The following RABGAP1L variants were observed in gnomAD, a reference collection of about 807,000 sequenced individuals.
RABGAP1L encodes rab GTPase-activating protein 1-like.
Under a neutral mutation model 137.7 loss-of-function variants are expected in RABGAP1L, and 63 were observed. The ratio of observed to expected loss-of-function variants is 0.46; its 90% CI spans 0.37 to 0.56. The LOEUF is 0.56. RABGAP1L is among the 20% of genes least tolerant of loss of function. The probability of loss-of-function intolerance (pLI) is 0.00; values close to 1 mark genes in which losing one functional copy is unlikely to be tolerated. For missense variants in RABGAP1L, 1,095 were observed against 1,244.0 expected (o/e 0.88, Z 1.80); for synonymous variants, 431 against 433.7 (o/e 0.99, Z 0.08).
chr1:174,621,861 A>G (rs1462621682), intron 13 of RABGAP1L, among the ~76,000 whole-genome samples: 3 of 152,256 alleles, frequency 2.0e-5, no homozygotes, highest in Non-Finnish European at 4.4e-5. Context: ...ATGGGATCTA[A>G]TTAAACTAAA....
intron 11 of RABGAP1L, among the ~76,000 whole-genome samples, chr1:174,356,367 G>A (rs775873136): frequency 2.0e-4 from 31 of 151,704 alleles, no homozygotes; most frequent in Middle Eastern, 3.4e-3. Context: ...GTTCTACTTG[G>A]TAGCTTTTAA....
At chr1:174,457,477 C>CTTTT (rs746968960) in intron 13 of RABGAP1L, among the ~76,000 whole-genome samples, 15 of 107,492 alleles carry the variant, frequency 1.4e-4, no homozygotes, top group Admixed American at 3.2e-4. Flanking sequence ...CAGGCATCAT[C>CTTTT]TTTTTTTTTT....
chr1:174,553,489 T>C (rs1666687074), intron 13 of RABGAP1L, among the ~76,000 whole-genome samples: 1 of 152,240 alleles, frequency 6.6e-6, no homozygotes, highest in South Asian at 2.1e-4. Context: ...TAGTGAATTT[T>C]ACCACACATT....
At chr1:174,708,844 G>A (rs1385815350) in intron 17 of RABGAP1L, among the ~76,000 whole-genome samples, 2 of 152,120 alleles carry the variant, frequency 1.3e-5, no homozygotes, top group Non-Finnish European at 2.9e-5. Context: ...CCCTGGAAAG[G>A]GGGCTGAAGC....
chr1:174,177,005 G>A (rs1207702162), intron 1 of RABGAP1L, among the ~76,000 whole-genome samples: 1 of 152,122 alleles, frequency 6.6e-6, no homozygotes, highest in Non-Finnish European at 1.5e-5. Flanking sequence ...GAACCCAGGA[G>A]GTCAAGGTTG....
At chr1:174,981,834 ATATTT>A (rs1671159311) in intron 23 of RABGAP1L, among the ~76,000 whole-genome samples, 1 of 152,130 alleles carries the variant, frequency 6.6e-6, no homozygotes, top group South Asian at 2.1e-4. Context: ...TAAGAAGAAT[ATATTT>A]TATTTAATGT....
intron 1 of RABGAP1L, among the ~76,000 whole-genome samples, chr1:174,162,753 C>CTTT (rs971302832): frequency 5.4e-5 from 2 of 37,182 alleles, no homozygotes; most frequent in Non-Finnish European, 5.9e-5. Context: ...GCTGGTATTT[C>CTTT]TTTTTTTTTT....
At chr1:174,872,997 G>A (rs889169984) in intron 19 of RABGAP1L, among the ~76,000 whole-genome samples, 1 of 152,214 alleles carries the variant, frequency 6.6e-6, no homozygotes, top group Non-Finnish European at 1.5e-5. Context: ...CATGCAGGAG[G>A]AACAGTTTCT....
chr1:174,182,115 G>A (rs1055296312), intron 1 of RABGAP1L, among the ~76,000 whole-genome samples: 1 of 152,084 alleles, frequency 6.6e-6, no homozygotes, highest in Non-Finnish European at 1.5e-5. Context: ...TAATATAACT[G>A]TGTCCTCCGT....
chr1:174,396,577 C>CTT (rs952363824), intron 13 of RABGAP1L, among the ~76,000 whole-genome samples: 1 of 151,882 alleles, frequency 6.6e-6, no homozygotes, highest in African/African-American at 2.4e-5. Context: ...TATCAAATTA[C>CTT]TTTTTCTTGT....
At chr1:174,629,569 C>G (rs978027486) in intron 13 of RABGAP1L, among the ~76,000 whole-genome samples, 1 of 152,148 alleles carries the variant, frequency 6.6e-6, no homozygotes, top group Admixed American at 6.5e-5. Context: ...GAGTCTCGCT[C>G]TGTCGCCCAG....
intron 13 of RABGAP1L, among the ~76,000 whole-genome samples, chr1:174,542,045 TA>T (rs1665505802): frequency 6.6e-6 from 1 of 152,232 alleles, no homozygotes; most frequent in South Asian, 2.1e-4. Context: ...GATATTGGTC[TA>T]AAATTCTCTT....
chr1:174,359,188 G>A (rs986687420), intron 11 of RABGAP1L, among the ~76,000 whole-genome samples: 1 of 149,900 alleles, frequency 6.7e-6, no homozygotes, highest in Non-Finnish European at 1.5e-5. Context: ...TCTTTGTCAT[G>A]TTCTACTTGC....
intron 13 of RABGAP1L, among the ~76,000 whole-genome samples, chr1:174,461,352 T>C (rs184571714): frequency 1.3e-5 from 2 of 152,276 alleles, no homozygotes; most frequent in Admixed American, 1.3e-4. Flanking sequence ...TGCAGAACCA[T>C]GGGAATAGTA....
chr1:174,883,218 C>T (rs887842984), intron 19 of RABGAP1L, among the ~76,000 whole-genome samples: 12 of 152,310 alleles, frequency 7.9e-5, no homozygotes, highest in South Asian at 2.1e-4. Context: ...CCTTGGTTTT[C>T]TCATCTGAAA....
rs1164568977 is a variant in RABGAP1L, at chr1:174,618,561, A to G, written c.1711-18814A>G. On this transcript the variant is annotated intron_variant, in intron 13 of 25. Transcript: ENST00000681986. ...TGGAGTGGAACTCCCACAAACTCCA[A>G]TAGACCTGCAGCTGAGGGTCCTGAC... Among the ~76,000 whole-genome samples, 14 of 152,334 alleles carry G rather than the reference A, an allele frequency of 9.2e-5. No individual in the cohort carries two copies. The South Asian group carries it at 1.7e-3, about 18-fold the overall frequency.
At chr1:174,552,984 A>G (rs1666654875) in intron 13 of RABGAP1L, among the ~76,000 whole-genome samples, 1 of 152,166 alleles carries the variant, frequency 6.6e-6, no homozygotes, top group East Asian at 1.9e-4. Flanking sequence ...ATGATCAGTG[A>G]TGTTTAGCTT....
chr1:174,366,778 GA>G (rs71117562), intron 11 of RABGAP1L, among the ~76,000 whole-genome samples: 13,501 of 89,266 alleles, frequency 0.15, 543 homozygotes, highest in Non-Finnish European at 0.21. Context: ...CCGTCTCCAG[GA>G]AAAAAAAAAA....
At chr1:174,174,387 G>GTA (rs1177271061) in intron 1 of RABGAP1L, among the ~76,000 whole-genome samples, 1 of 152,148 alleles carries the variant, frequency 6.6e-6, no homozygotes, top group Non-Finnish European at 1.5e-5. Context: ...GTCCTGTATA[G>GTA]TATATATATT....
Sources: allele counts gnomAD v4.1 joint callset (sites outside exome capture counted in the v4.1 genomes callset), GRCh38; gene constraint gnomAD v4.1.1; transcripts MANE v1.5; gene names NCBI Gene and HGNC (gene_info 2026-07-23, HGNC 2026-07-21).